Variants in HTR3D observed in about 807,000 individuals in gnomAD.
HTR3D encodes 5-hydroxytryptamine (serotonin) receptor 3 family member D.
HTR3D carries 47 observed loss-of-function variants against 45.8 expected under a neutral mutation model. That is an observed-to-expected ratio of 1.03 (90% confidence interval 0.81 to 1.31). HTR3D has a LOEUF of 1.31. Ranked by LOEUF, HTR3D falls within the 50% of genes most tolerant of loss-of-function variation. The probability of loss-of-function intolerance (pLI) is 0.00; values close to 1 mark genes in which losing one functional copy is unlikely to be tolerated. For missense variants in HTR3D, 448 were observed against 506.9 expected, an observed-to-expected ratio of 0.88 and a Z score of 1.12; for synonymous variants, 203 against 199.8, an observed-to-expected ratio of 1.02 and a Z score of -0.13.
Position 184,038,726 on chromosome 3 carries a change from G to T in HTR3D, c.986-20G>T. 1 of 1,569,806 alleles carries T rather than the reference G, an allele frequency of 6.4e-7. No homozygotes were observed. Among genetic ancestry groups the T allele is most frequent in the South Asian group, 1.2e-5 (1 of 85,476 alleles). ...CAGGTGACATTTGCAGCCCATGGCT[G>T]AGTCTCTGTCTTTCTGTAGGTGTGA... On this transcript the variant is annotated intron_variant, in intron 7 of 7. Transcript: ENST00000428798. The surrounding 1 kb of genome is among the most constrained non-coding windows in gnomAD (Gnocchi z 4.5).
chr3:184,034,342 C>T (rs1378491850), intron 1 of HTR3D, among the ~76,000 whole-genome samples: 1 of 152,146 alleles, frequency 6.6e-6, no homozygotes, highest in East Asian at 1.9e-4. Flanking sequence ...TGAAATAAGT[C>T]AGTCACAAAA....
At chr3:184,036,675 G>A in intron 4 of HTR3D, 73 bp from the exon 5 acceptor site, 1 of 1,562,774 alleles carries the variant, frequency 6.4e-7, no homozygotes, top group African/African-American at 1.4e-5. Flanking sequence ...GGATCCAACA[G>A]TCTGGGCAAG....
chr3:184,038,197 T>C lies in HTR3D; in HGVS notation c.693T>C (p.Asn231=), dbSNP rs762252901. ...LGYSVFLLMM[N]DLLPATSTSS... is the part of the protein sequence containing the mutation. Reference sequence around the variant, plus strand: ...ACAGCGTCTTCCTGCTCATGATGAATGACTTGCTCCCAGCCACTAGCACTT... The same window carrying C: ...ACAGCGTCTTCCTGCTCATGATGAACGACTTGCTCCCAGCCACTAGCACTT... The change falls in exon 6 of 8, where the codon AAT becomes AAC. Residue 231 remains asparagine (N), a synonymous_variant. Transcript: ENST00000428798. The surrounding 1 kb of genome is among the most constrained non-coding windows in gnomAD (Gnocchi z 4.5). 9.9e-6 allele frequency: 16 copies of C among 1,614,212 alleles called. No individual in the cohort carries two copies. Among genetic ancestry groups the C allele is most frequent in the Non-Finnish European group, 1.3e-5 (15 of 1,180,030 alleles).
At chr3:184,032,278 G>C (rs1722772132) in intron 1 of HTR3D, among the ~76,000 whole-genome samples, 1 of 152,216 alleles carries the variant, frequency 6.6e-6, no homozygotes, top group African/African-American at 2.4e-5. Context: ...ACAGGCGTGA[G>C]CCCCTGAGCC....
intron 1 of HTR3D, chr3:184,033,147 T>A (rs1359008976): frequency 5.2e-5 from 47 of 903,868 alleles, no homozygotes; most frequent in Middle Eastern, 2.7e-4. Context: ...TGAGATGGAG[T>A]CTTGCTCTTG....
chr3:184,036,346 CT>C (rs1201905276), intron 3 of HTR3D, 28 bp from the exon 4 acceptor site: 1 of 1,610,960 alleles, frequency 6.2e-7, no homozygotes, highest in South Asian at 1.1e-5. Flanking sequence ...CAGCACCTAC[CT>C]CCCTGTCCTT....
chr3:184,031,810 A>G lies in HTR3D; in HGVS notation c.66+3A>G. On this transcript the variant is annotated splice_donor_region_variant and intron_variant, in intron 1 of 7. Transcript: ENST00000428798. ...TCATCCTCCACCTGCTGCTGCAAGT[A>G]CCTTAAGATAAGAGCAAGAGCTGAG... The G allele has an allele frequency of 1.3e-6, 2 of 1,549,560 alleles. No individual in the cohort carries two copies. The highest frequency in any genetic ancestry group is 1.4e-5 in the African/African-American group (1 of 73,090).
intron 3 of HTR3D, 65 bp from the exon 4 acceptor site, chr3:184,036,309 GA>G (rs1722887486): frequency 3.8e-6 from 6 of 1,581,696 alleles, no homozygotes; most frequent in Non-Finnish European, 5.2e-6. Context: ...GACAGAGAAA[GA>G]AGGCCAAGTC....
intron 1 of HTR3D, among the ~76,000 whole-genome samples, chr3:184,033,862 A>C (rs1361884934): frequency 6.6e-6 from 1 of 152,244 alleles, no homozygotes; most frequent in Admixed American, 6.5e-5. Context: ...GGTTGCAGAC[A>C]GCCAAGATTG....
At position 184,039,073 on chromosome 3, in the gene HTR3D, G is replaced by T; in HGVS notation, c.*98G>T. 1 of 1,290,474 alleles carries T rather than the reference G, an allele frequency of 7.7e-7. No homozygotes were observed. The highest frequency in any genetic ancestry group is 1.1e-6 in the Non-Finnish European group (1 of 906,738). The allele number at this position is 1,290,474 out of a possible 1,614,324, so 79.9% of individuals were successfully genotyped here. ...AGTCAGCCTTGTGGCCCTGTCAACC[G>T]CCTCATTTTTAACCCAGTCCTCTGT... On this transcript the variant is annotated 3_prime_UTR_variant, in exon 8 of 8. Transcript: ENST00000428798.
chr3:184,031,583 C>T (rs1722751159), upstream of HTR3D: 1 of 599,382 alleles, frequency 1.7e-6, no homozygotes, highest in Non-Finnish European at 3.1e-6. Context: ...TGAGTTATTC[C>T]TCTGTGACAT....
At chr3:184,032,623 C>A (rs1473524210) in intron 1 of HTR3D, among the ~76,000 whole-genome samples, 1 of 152,166 alleles carries the variant, frequency 6.6e-6, no homozygotes, top group Non-Finnish European at 1.5e-5. Context: ...AAGGACATGG[C>A]AGGACACTGT....
rs148841410 is a variant in HTR3D at position 184,038,953 on chromosome 3, T to A, written c.1193T>A (p.Val398Asp). Residue 398 changes from valine to aspartate, a missense_variant, in exon 8 of 8, where the codon GTC (valine) becomes GAC (aspartate). Val to Asp is a radical substitution (Grantham distance 152, BLOSUM62 -3). Coordinates refer to ENST00000428798, the MANE Select transcript of HTR3D (RefSeq NM_001145143.1). This position sits in a 1 kb window ranked among gnomAD's most constrained non-coding sequence, Gnocchi z 4.5. ...TTCATGGCCTCCTCCATCATCACCG[T>A]CATATGCCTCTGGAACACCTAGGCA... ...LLFMASSIIT[V>D]ICLWNT The A allele has an allele frequency of 2.4e-5, 38 of 1,614,042 alleles. No homozygotes were observed. The African/African-American group carries it at 4.8e-4, about 20-fold the overall frequency.
chr3:184,032,327 A>G (rs1722773229), intron 1 of HTR3D, among the ~76,000 whole-genome samples: 1 of 152,138 alleles, frequency 6.6e-6, no homozygotes, highest in Non-Finnish European at 1.5e-5. Context: ...AGTGATGAAG[A>G]CTACTAAATG....
At chr3:184,034,776 C>T (rs1027597461) in intron 1 of HTR3D, among the ~76,000 whole-genome samples, 9 of 141,714 alleles carry the variant, frequency 6.4e-5, no homozygotes, top group Non-Finnish European at 9.1e-5. Flanking sequence ...TGCAGTGAGC[C>T]GAAATGGCGC....
In HTR3D at chr3:184,038,758, C is replaced by T. The variant is rs375118035; in HGVS notation, c.998C>T (p.Pro333Leu). The change falls in exon 8 of 8, where the codon CCA (proline) becomes CTA (leucine). Residue 333 changes from proline (P) to leucine (L), a missense_variant. Coordinates refer to ENST00000428798, the MANE Select transcript of HTR3D (RefSeq NM_001145143.1). This position sits in a 1 kb window ranked among gnomAD's most constrained non-coding sequence, Gnocchi z 4.5. Reference sequence around the variant, plus strand: ...TGTCTTTCTGTAGGTGTGAAGGAGCCAGAGGTATCAGCAGGGCAGATGCCA... The same window carrying T: ...TGTCTTTCTGTAGGTGTGAAGGAGCTAGAGGTATCAGCAGGGCAGATGCCA... The part of the protein sequence containing the change: ...TPTHLPGVKE[P>L]EVSAGQMPGP... 14 of 1,601,464 alleles carry T rather than the reference C, an allele frequency of 8.7e-6. No individual in the cohort carries two copies. The African/African-American group carries it at 1.9e-4, about 21-fold the overall frequency.
At chr3:184,032,276 G>A (rs1722772070) in intron 1 of HTR3D, among the ~76,000 whole-genome samples, 1 of 152,226 alleles carries the variant, frequency 6.6e-6, no homozygotes, top group East Asian at 1.9e-4. Context: ...TTACAGGCGT[G>A]AGCCCCTGAG....
At chr3:184,034,989 T>C in intron 1 of HTR3D, 189 bp from the exon 2 acceptor site, 1 of 1,345,760 alleles carries the variant, frequency 7.4e-7, no homozygotes, top group Non-Finnish European at 9.9e-7. Flanking sequence ...CCAATGGACC[T>C]TCATACTGTG....
chr3:184,032,919 A>G (rs1175304801), intron 1 of HTR3D: 6 of 1,552,610 alleles, frequency 3.9e-6, no homozygotes, highest in South Asian at 1.2e-5. Context: ...TTGATTATCA[A>G]TTGCCCAGGC....
Sources: gnomAD v4.1 joint callset for allele counts (sites outside exome capture counted in the v4.1 genomes callset) on GRCh38, gnomAD v4.1.1 for gene constraint, Gnocchi (gnomAD v3.1) non-coding constraint, MANE v1.5 for transcripts, NCBI Gene and HGNC (gene_info 2026-07-23, HGNC 2026-07-21) for gene names.